Variants in DNHD1 observed in about 807,000 individuals in gnomAD.
The protein encoded by DNHD1 is dynein heavy chain domain-containing protein 1.
DNHD1 carries 383 observed loss-of-function variants against 458.1 expected under a neutral mutation model. The ratio of observed to expected loss-of-function variants is 0.84; its 90% CI spans 0.77 to 0.91. The LOEUF is 0.91. Among genes scored for constraint, DNHD1 ranks in the 40% least tolerant of loss-of-function variants. The pLI is 0.00. For missense variants in DNHD1, 5,336 were observed against 5,866.1 expected, an observed-to-expected ratio of 0.91 and a Z score of 2.95; for synonymous variants, 2,203 against 2,376.9, an observed-to-expected ratio of 0.93 and a Z score of 2.13.
In DNHD1 at chr11:6,563,469, G is replaced by A; in HGVS notation, c.9757G>A (p.Val3253Met). The A allele has an allele frequency of 6.4e-7, 1 of 1,551,750 alleles. No homozygotes were observed. Among genetic ancestry groups the A allele is most frequent in the South Asian group, 1.2e-5 (1 of 84,060 alleles). ...IRSYRAPPES[V>M]VRVTDAMCDL... is the part of the protein sequence containing the mutation. The stretch of plus-strand genomic sequence containing the variant: ...GAGCTATCGAGCACCACCAGAATCT[G>A]TGGTCCGGGTAACTGATGCAATGTG... Residue 3253 changes from valine (V) to methionine (M), a missense_variant, in exon 30 of 43, where the codon GTG becomes ATG. This residue lies in a region of DNHD1 where 3,932 missense variants were observed against 4,365.6 expected (regional missense o/e 0.90). Transcript: ENST00000254579.
chr11:6,516,040 C>T (rs563894263), intron 7 of DNHD1, among the ~76,000 whole-genome samples: 1 of 151,636 alleles, frequency 6.6e-6, no homozygotes, highest in African/African-American at 2.4e-5. Context: ...TCCCACCTCG[C>T]CCTCCCAAAG....
chr11:6,533,621 T>A, intron 13 of DNHD1, 60 bp from the exon 14 acceptor site: 14 of 1,486,550 alleles, frequency 9.4e-6, no homozygotes, highest in Non-Finnish European at 1.3e-5. Flanking sequence ...CCCTTGGGGA[T>A]GGGACCAAAG....
intron 10 of DNHD1, among the ~76,000 whole-genome samples, chr11:6,522,106 T>C (rs1014022487): frequency 6.6e-6 from 1 of 152,226 alleles, no homozygotes; most frequent in African/African-American, 2.4e-5. Flanking sequence ...ATTGAGCTTT[T>C]GTTCATATGC....
rs1047351559 is a variant in DNHD1, at chr11:6,558,192, T to A, written c.8897T>A (p.Phe2966Tyr). Residue 2966 changes from phenylalanine to tyrosine, a missense_variant, in exon 25 of 43, where the codon TTC becomes TAC. Transcript: ENST00000254579. ...CTGGCCCTGGCAACCTCAGGCAGTT[T>A]CCCTGGCCAGTACACAGAAGCAGAT... The part of the protein sequence containing the change: ...RLLALATSGS[F>Y]PGQYTEADLD... The A allele has an allele frequency of 6.4e-7, 1 of 1,551,674 alleles. No homozygotes were observed. Among genetic ancestry groups the A allele is most frequent in the Non-Finnish European group, 8.7e-7 (1 of 1,146,986 alleles).
At chr11:6,560,878 A>T (rs11040921) in intron 28 of DNHD1, among the ~76,000 whole-genome samples, 53,748 of 152,010 alleles carry the variant, frequency 0.35, 11,197 homozygotes, top group East Asian at 0.71. Flanking sequence ...TTGTTCAGGC[A>T]TTTCTTAATA....
intron 28 of DNHD1, among the ~76,000 whole-genome samples, chr11:6,560,518 T>G (rs548490012): frequency 1.3e-5 from 2 of 152,282 alleles, no homozygotes; most frequent in Middle Eastern, 6.8e-3. Flanking sequence ...CCTTTCCCAG[T>G]TTTTTGCCCT....
rs1324206431 is a variant in DNHD1 at position 6,567,419 on chromosome 11, C to T, written c.11910C>T (p.Ser3970=). The T allele has an allele frequency of 3.1e-6, 5 of 1,613,076 alleles. No individual in the cohort carries two copies. Among genetic ancestry groups the T allele is most frequent in the Admixed American group, 1.7e-5 (1 of 59,840 alleles). The change falls in exon 36 of 43, where the codon AGC becomes AGT. Residue 3970 remains serine (S), a synonymous_variant. Coordinates refer to ENST00000254579, the MANE Select transcript of DNHD1 (RefSeq NM_144666.3). The part of the protein sequence containing the change: ...GLAASPSTVH[S]KPVSDVARPA... ...CAGCCTCTCCCAGCACAGTCCACAG[C>T]AAGCCAGTCTCAGATGTGGCTCGAC...
At chr11:6,561,673 G>A (rs1253565644) in intron 28 of DNHD1, among the ~76,000 whole-genome samples, 2 of 152,172 alleles carry the variant, frequency 1.3e-5, no homozygotes, top group African/African-American at 4.8e-5. Context: ...CATGGTAGGA[G>A]CTCAAAAACA....
At chr11:6,522,228 T>C (rs1852618196) in intron 10 of DNHD1, among the ~76,000 whole-genome samples, 1 of 152,140 alleles carries the variant, frequency 6.6e-6, no homozygotes, top group South Asian at 2.1e-4. Context: ...TCCTTATAGA[T>C]GCTAGATATC....
intron 12 of DNHD1, among the ~76,000 whole-genome samples, chr11:6,530,024 C>A (rs374601561): frequency 2.6e-5 from 4 of 152,328 alleles, no homozygotes; most frequent in Admixed American, 2.0e-4. Context: ...GCTATCAATT[C>A]TCTGCTATCA....
At position 6,533,866 on chromosome 11, in the gene DNHD1, T is replaced by C; in HGVS notation, c.2691T>C (p.His897=). 3 of 1,548,582 alleles carry C rather than the reference T, an allele frequency of 1.9e-6. No individual in the cohort carries two copies. Among genetic ancestry groups the C allele is most frequent in the South Asian group, 1.2e-5 (1 of 83,910 alleles). The stretch of plus-strand genomic sequence containing the variant: ...CCTGCCCTCCTCCCCCACAACCACA[T>C]CTACTCCACTGCCCTCTGCTTGCCC... ...IPPCPPPPQP[H]LLHCPLLAPQ... is the part of the protein sequence containing the mutation. Residue 897 remains histidine, a synonymous_variant, in exon 14 of 43, where the codon CAT becomes CAC. Coordinates refer to ENST00000254579, the MANE Select transcript of DNHD1 (RefSeq NM_144666.3).
Position 6,534,026 on chromosome 11 carries a change from C to T in DNHD1, c.2851C>T (p.Leu951=). Residue 951 remains leucine (L), a synonymous_variant, in exon 14 of 43, where the codon CTG becomes TTG. Coordinates refer to ENST00000254579, the MANE Select transcript of DNHD1 (RefSeq NM_144666.3). The part of the protein sequence containing the change: ...MAAALAELEG[L]LAKALSGPFM... ...AGCAGCATTGGCAGAGCTGGAAGGC[C>T]TGCTTGCGAAGGCCCTCTCCGGTCC... is the stretch of plus-strand genomic sequence containing the variant. 1.9e-6 allele frequency: 3 copies of T among 1,551,588 alleles called. No homozygotes were observed. Among genetic ancestry groups the T allele is most frequent in the Non-Finnish European group, 2.6e-6 (3 of 1,146,948 alleles).
chr11:6,505,189 A>G lies in DNHD1; in HGVS notation c.920+2263A>G, dbSNP rs1487193537. 2.0e-5 allele frequency among the ~76,000 whole-genome samples: 3 copies of G among 152,038 alleles called. No homozygotes were observed. Among genetic ancestry groups the G allele is most frequent in the South Asian group, 2.1e-4 (1 of 4,816 alleles). ...CCCCTCCTCCAACCTCATAGCTTCT[A>G]ATAACCTGAACCTCTTCCATTTGTT... On this transcript the variant is annotated intron_variant, in intron 4 of 42. Coordinates refer to ENST00000254579, the MANE Select transcript of DNHD1 (RefSeq NM_144666.3). The surrounding 1 kb of genome is among the most constrained non-coding windows in gnomAD (Gnocchi z 4.4).
chr11:6,507,518 C>A (rs1852252297), intron 4 of DNHD1, among the ~76,000 whole-genome samples: 1 of 151,872 alleles, frequency 6.6e-6, no homozygotes, highest in Non-Finnish European at 1.5e-5. Context: ...TTAAGCATTA[C>A]ATATATATTT....
Position 6,558,177 on chromosome 11 carries a change from C to A in DNHD1, c.8882C>A (p.Ala2961Glu), listed in dbSNP as rs747162101. The A allele has an allele frequency of 9.7e-6, 15 of 1,551,540 alleles. No individual in the cohort carries two copies. Among genetic ancestry groups the A allele is most frequent in the South Asian group, 2.4e-5 (2 of 84,056 alleles). ...ACACTTCATCGCCTCCTGGCCCTGG[C>A]AACCTCAGGCAGTTTCCCTGGCCAG... ...LTTLHRLLALATSGSFPGQYT... is the reference protein window; with the variant it reads ...LTTLHRLLALETSGSFPGQYT... The change falls in exon 25 of 43, where the codon GCA becomes GAA. Residue 2961 changes from alanine (A) to glutamate (E), a missense_variant. Ala to Glu is a moderately radical substitution (Grantham distance 107, BLOSUM62 -1). Coordinates refer to ENST00000254579, the MANE Select transcript of DNHD1 (RefSeq NM_144666.3).
At chr11:6,534,288 C>A in intron 14 of DNHD1, 115 bp downstream of exon 14, 1 of 1,011,648 alleles carries the variant, frequency 9.9e-7, no homozygotes, top group Non-Finnish European at 1.4e-6. Flanking sequence ...CCTTGGGAAT[C>A]ACACACCTTC....
At chr11:6,549,853 A>G (rs536313186) in intron 24 of DNHD1, among the ~76,000 whole-genome samples, 1 of 152,364 alleles carries the variant, frequency 6.6e-6, no homozygotes, top group African/African-American at 2.4e-5. Flanking sequence ...AGGAAAGGAG[A>G]AAAATCTTGA....
intron 4 of DNHD1, 76 bp from the exon 5 acceptor site, chr11:6,508,804 C>T: frequency 1.4e-6 from 2 of 1,419,930 alleles, no homozygotes. Flanking sequence ...TTTTTCATCT[C>T]CTGTATCCTC....
At chr11:6,500,214 C>T (rs576546944) in intron 3 of DNHD1, among the ~76,000 whole-genome samples, 17 of 152,340 alleles carry the variant, frequency 1.1e-4, no homozygotes, top group African/African-American at 3.8e-4. Context: ...GATCTGCTCA[C>T]CTCGGCCTCC....
Sources: allele counts gnomAD v4.1 joint callset (sites outside exome capture counted in the v4.1 genomes callset), GRCh38; gene constraint gnomAD v4.1.1; regional missense constraint gnomAD v4.1.1; non-coding constraint Gnocchi (gnomAD v3.1); transcripts MANE v1.5; gene names NCBI Gene and HGNC (gene_info 2026-07-23, HGNC 2026-07-21).